The following GLYATL3 variants were observed in gnomAD, a reference collection of about 807,000 sequenced individuals.
The protein encoded by GLYATL3 is glycine-N-acyltransferase like 3.
Under a neutral mutation model 28.5 loss-of-function variants are expected in GLYATL3, and 31 were observed. The ratio of observed to expected loss-of-function variants is 1.09; its 90% CI spans 0.82 to 1.47. GLYATL3 has a LOEUF of 1.47. Among genes scored for constraint, GLYATL3 ranks in the 40% most tolerant of loss-of-function variants. The pLI, the probability that GLYATL3 is intolerant of heterozygous loss-of-function variation, is 0.00. For missense variants in GLYATL3, 369 were observed against 351.5 expected (o/e 1.05, Z -0.40); for synonymous variants, 141 against 140.2 (o/e 1.01, Z -0.04).
chr6:49,520,332 C>T (rs956055481), intron 4 of GLYATL3, among the ~76,000 whole-genome samples: 2 of 152,254 alleles, frequency 1.3e-5, no homozygotes, highest in Non-Finnish European at 2.9e-5. Context: ...GAAAAGTAGG[C>T]ACTGCCTCCT....
At chr6:49,525,998 T>G (rs72869612) in intron 5 of GLYATL3, among the ~76,000 whole-genome samples, 2,063 of 152,282 alleles carry the variant, frequency 0.014, 27 homozygotes, top group Non-Finnish European at 0.02. Flanking sequence ...ATGTAATAAG[T>G]GTTTTGTCTT....
intron 1 of GLYATL3, among the ~76,000 whole-genome samples, chr6:49,501,230 C>T (rs1768907336): frequency 6.6e-6 from 1 of 150,440 alleles, no homozygotes; most frequent in Non-Finnish European, 1.5e-5. Context: ...TGAAACCCCC[C>T]ATCTCTACTA....
chr6:49,524,780 G>A (rs930034331), intron 5 of GLYATL3, among the ~76,000 whole-genome samples: 1 of 151,676 alleles, frequency 6.6e-6, no homozygotes, highest in Non-Finnish European at 1.5e-5. Flanking sequence ...AGGAATTCGA[G>A]ACCAGCCTGG....
At chr6:49,512,182 T>C in intron 2 of GLYATL3, 114 bp downstream of exon 2, 2 of 499,104 alleles carry the variant, frequency 4.0e-6, no homozygotes. Flanking sequence ...CTAGGAGCAC[T>C]TGTTAAACAT....
intron 1 of GLYATL3, among the ~76,000 whole-genome samples, chr6:49,511,145 A>G (rs945707406): frequency 5.9e-5 from 9 of 152,186 alleles, no homozygotes; most frequent in African/African-American, 1.9e-4. Flanking sequence ...GCTCTGCTAC[A>G]TTGAATGTAG....
intron 2 of GLYATL3, among the ~76,000 whole-genome samples, chr6:49,513,618 G>A (rs1186672696): frequency 6.6e-6 from 1 of 152,112 alleles, no homozygotes; most frequent in African/African-American, 2.4e-5. Flanking sequence ...ATGATTAACA[G>A]AACAAACATG....
Position 49,526,851 on chromosome 6 carries a change from G to T in GLYATL3, c.804G>T (p.Leu268Phe). ...TGAAGAGTCTCCATGCTGAGTTCTT[G>T]CCTTGTCGCTTCCACAGGCTTATTC... ...SLLKSLHAEF[L>F]PCRFHRLILT... is the part of the protein sequence containing the mutation. The change falls in exon 6 of 6, where the codon TTG becomes TTT. Residue 268 changes from leucine (L) to phenylalanine (F), a missense_variant. Coordinates refer to ENST00000371197, the MANE Select transcript of GLYATL3 (RefSeq NM_001010904.2). 6.4e-7 allele frequency: 1 copy of T among 1,551,762 alleles called. No homozygotes were observed.
At chr6:49,506,184 C>G (rs1345834653) in intron 1 of GLYATL3, among the ~76,000 whole-genome samples, 2 of 152,112 alleles carry the variant, frequency 1.3e-5, no homozygotes, top group Non-Finnish European at 2.9e-5. Context: ...TTCCTAAGTA[C>G]AGAAAAGGAG....
Position 49,526,553 on chromosome 6 carries a change from G to A in GLYATL3, c.506G>A (p.Trp169Ter), listed in dbSNP as rs1769418395. The change falls in exon 6 of 6, where the codon TGG (tryptophan) becomes TAG (stop). Residue 169 changes from tryptophan (W) to a stop codon, truncating the protein, a stop_gained. Coordinates refer to ENST00000371197, the MANE Select transcript of GLYATL3 (RefSeq NM_001010904.2). LOFTEE classifies it high-confidence loss of function. ...VANADLLNRT[W>*]SRGGNEQCLR... ...AATGCGGATCTACTCAACCGGACTT[G>A]GTCCCGGGGAGGCAATGAACAATGT... The A allele has an allele frequency of 2.6e-6, 4 of 1,551,776 alleles. No homozygotes were observed. The highest frequency in any genetic ancestry group is 1.7e-4 in the Middle Eastern group (1 of 5,992).
chr6:49,507,675 C>T (rs891988313), intron 1 of GLYATL3, among the ~76,000 whole-genome samples: 13 of 152,012 alleles, frequency 8.6e-5, no homozygotes, highest in South Asian at 2.1e-4. Context: ...CCACCTTGGG[C>T]GCCAGATATT....
chr6:49,519,921 A>T (rs2498473), intron 4 of GLYATL3, among the ~76,000 whole-genome samples: 148,644 of 152,288 alleles, frequency 0.98, 72,662 homozygotes, highest in East Asian at 1. Flanking sequence ...TGAAAAAGAT[A>T]ATCTACATGT....
chr6:49,514,183 C>T (rs865996426), intron 2 of GLYATL3, among the ~76,000 whole-genome samples: 5 of 152,146 alleles, frequency 3.3e-5, no homozygotes, highest in East Asian at 3.8e-4. Context: ...CCTTTCCAAC[C>T]GCTACCTCTC....
intron 1 of GLYATL3, among the ~76,000 whole-genome samples, chr6:49,505,645 C>G (rs1296979853): frequency 6.6e-6 from 1 of 152,196 alleles, no homozygotes; most frequent in African/African-American, 2.4e-5. Context: ...AGTCTGCCAG[C>G]ACAAAGATGT....
intron 1 of GLYATL3, among the ~76,000 whole-genome samples, chr6:49,507,248 GAA>G (rs1769027050): frequency 6.6e-6 from 1 of 152,054 alleles, no homozygotes; most frequent in Non-Finnish European, 1.5e-5. Context: ...TCACCAGATG[GAA>G]AAGGAAGTAA....
chr6:49,526,681 A>C lies in GLYATL3; in HGVS notation c.634A>C (p.Met212Leu). ...GTCCATCACAGACCAGTTTGCCACC[A>C]TGTGCCATGGCTACACCCTGCCAGA... ...SWSITDQFAT[M>L]CHGYTLPEHR... The change falls in exon 6 of 6, where the codon ATG becomes CTG. Residue 212 changes from methionine (M) to leucine (L), a missense_variant. Transcript: ENST00000371197. 6.4e-7 allele frequency: 1 copy of C among 1,551,828 alleles called. No homozygotes were observed. The highest frequency in any genetic ancestry group is 8.7e-7 in the Non-Finnish European group (1 of 1,147,014).
Position 49,517,413 on chromosome 6 carries a change from T to C in GLYATL3, c.187-17T>C. 1 of 1,501,012 alleles carries C rather than the reference T, an allele frequency of 6.7e-7. No homozygotes were observed. The highest frequency in any genetic ancestry group is 8.9e-7 in the Non-Finnish European group (1 of 1,123,328). 93.0% of individuals were successfully genotyped at this position (1,501,012 alleles called of 1,614,324 possible). A position where few individuals can be genotyped will look rare whatever the true frequency, so the allele number is the denominator to read the frequency against. ...GATAATACGTTTATGTTTTTGTGATTATGTCTTCTGTCCTAGGCTGAGACA... is the reference window on the plus strand; with the variant it reads ...GATAATACGTTTATGTTTTTGTGATCATGTCTTCTGTCCTAGGCTGAGACA... On this transcript the variant is annotated splice_polypyrimidine_tract_variant and intron_variant, in intron 3 of 5. Coordinates refer to ENST00000371197, the MANE Select transcript of GLYATL3 (RefSeq NM_001010904.2).
At chr6:49,505,051 G>C (rs1236551006) in intron 1 of GLYATL3, among the ~76,000 whole-genome samples, 3 of 152,160 alleles carry the variant, frequency 2.0e-5, no homozygotes, top group Non-Finnish European at 4.4e-5. Flanking sequence ...AATTTGTTTA[G>C]CTTTTTTCCA....
intron 4 of GLYATL3, among the ~76,000 whole-genome samples, chr6:49,518,322 G>A (rs1227989019): frequency 6.6e-6 from 1 of 152,218 alleles, no homozygotes; most frequent in Non-Finnish European, 1.5e-5. Flanking sequence ...AGAACTTTAT[G>A]CCAGGAGAGA....
intron 1 of GLYATL3, among the ~76,000 whole-genome samples, chr6:49,501,521 T>G (rs570630286): frequency 4.6e-5 from 7 of 152,304 alleles, no homozygotes; most frequent in African/African-American, 1.7e-4. Flanking sequence ...AAGTAATTCT[T>G]TAACATAATA....
Sources: gnomAD v4.1 joint callset for allele counts (sites outside exome capture counted in the v4.1 genomes callset) on GRCh38, gnomAD v4.1.1 for gene constraint, MANE v1.5 for transcripts, NCBI Gene and HGNC (gene_info 2026-07-23, HGNC 2026-07-21) for gene names.